RBFOX1: variants seen among roughly 807,000 people sequenced by gnomAD.
RBFOX1 encodes RNA binding protein fox-1 homolog 1.
RBFOX1 carries 8 observed loss-of-function variants against 57.7 expected under a neutral mutation model. That is an observed-to-expected ratio of 0.14 (90% CI 0.08 to 0.25). RBFOX1 has a LOEUF of 0.25. Among genes scored for constraint, RBFOX1 ranks in the 10% least tolerant of loss-of-function variants. RBFOX1 has a pLI of 1.00. For synonymous variants in RBFOX1, 326 were observed against 222.4 expected (o/e 1.47, Z -4.15); for missense variants, 611 against 548.5 (o/e 1.11, Z -1.14).
intron 4 of RBFOX1, among the ~76,000 whole-genome samples, chr16:5,961,192 C>G (rs1596305502): frequency 6.6e-6 from 1 of 152,024 alleles, no homozygotes; most frequent in African/African-American, 2.4e-5. Flanking sequence ...GGGGCATATT[C>G]TATTCTATTT....
At chr16:6,355,521 A>C (rs1215622879) in intron 2 of RBFOX1, among the ~76,000 whole-genome samples, 1 of 152,092 alleles carries the variant, frequency 6.6e-6, no homozygotes, top group African/African-American at 2.4e-5. Context: ...CATTTTCTTC[A>C]TCCAGTCTAT....
chr16:6,807,266 G>A (rs1202846584), intron 3 of RBFOX1, among the ~76,000 whole-genome samples: 2 of 152,046 alleles, frequency 1.3e-5, no homozygotes, highest in Admixed American at 6.6e-5. Context: ...AGGTATTGAG[G>A]GAGATGATGG....
chr16:7,067,630 A>G (rs984952610), intron 4 of RBFOX1, among the ~76,000 whole-genome samples: 74 of 151,060 alleles, frequency 4.9e-4, no homozygotes, highest in African/African-American at 1.6e-3. Flanking sequence ...GGTGTGGTGC[A>G]CCCATTAACT....
intron 3 of RBFOX1, among the ~76,000 whole-genome samples, chr16:6,989,807 C>T (rs191511748): frequency 2.6e-4 from 40 of 152,212 alleles, no homozygotes; most frequent in Admixed American, 2.4e-3. Flanking sequence ...CGAAACTAGC[C>T]TGGCTAACAT....
At chr16:7,524,362 C>A (rs541680070) in intron 5 of RBFOX1, among the ~76,000 whole-genome samples, 1 of 152,268 alleles carries the variant, frequency 6.6e-6, no homozygotes, top group South Asian at 2.1e-4. Context: ...TGAGATGAGT[C>A]CCTGCAGGCC....
intron 3 of RBFOX1, among the ~76,000 whole-genome samples, chr16:5,830,804 A>T (rs2056238815): frequency 6.6e-6 from 1 of 152,084 alleles, no homozygotes; most frequent in Admixed American, 6.5e-5. Flanking sequence ...CGTCTTTTAT[A>T]AATAGCTCAG....
intron 3 of RBFOX1, among the ~76,000 whole-genome samples, chr16:7,045,877 G>A (rs1487787639): frequency 2.0e-5 from 3 of 151,946 alleles, no homozygotes; most frequent in African/African-American, 7.3e-5. Context: ...AGGTTCTTCT[G>A]GAACTCCTGA....
chr16:7,122,637 C>T (rs1258318001), intron 4 of RBFOX1, among the ~76,000 whole-genome samples: 1 of 152,092 alleles, frequency 6.6e-6, no homozygotes, highest in Admixed American at 6.6e-5. Flanking sequence ...TAGAACAATG[C>T]AGACATTCTT....
chr16:6,859,155 A>ATATATATACGTATATATATATG lies in RBFOX1; in HGVS notation c.-15-192883_-15-192882insATGTATATATACGTATATATAT, dbSNP rs2058512610. 3.8e-4 allele frequency among the ~76,000 whole-genome samples: 23 copies of ATATATATACGTATATATATATG among 60,230 alleles called. 1 individual carries two copies. Among genetic ancestry groups the ATATATATACGTATATATATATG allele is most frequent in the African/African-American group, 7.8e-4 (13 of 16,702 alleles). 39.5% of individuals were successfully genotyped at this position (60,230 alleles called of 152,430 possible). A position where few individuals can be genotyped will look rare whatever the true frequency, so the allele number is the denominator to read the frequency against. On this transcript the variant is annotated intron_variant, in intron 3 of 15. Transcript: ENST00000550418. ...CATATATATACGTATATATATATGT[A>ATATATATACGTATATATATATG]TATATATACGTATATATATGTATAT...
intron 3 of RBFOX1, among the ~76,000 whole-genome samples, chr16:6,919,360 C>G (rs972168422): frequency 6.6e-6 from 1 of 152,096 alleles, no homozygotes; most frequent in Non-Finnish European, 1.5e-5. Flanking sequence ...ATTAATTCCT[C>G]ACAACAGCCC....
chr16:7,002,467 C>T lies in RBFOX1; in HGVS notation c.-15-49590C>T, dbSNP rs1446750892. On this transcript the variant is annotated intron_variant, in intron 3 of 15. Transcript: ENST00000550418. ...CGATGGCTCATGTCTGTAATTCCAG[C>T]ACTTGGGAAGCTGAGGCAGGCGGAT... Among the ~76,000 whole-genome samples, 4 of 152,176 alleles carry T rather than the reference C, an allele frequency of 2.6e-5. No individual in the cohort carries two copies. The East Asian group carries it at 7.7e-4, about 29-fold the overall frequency.
intron 3 of RBFOX1, among the ~76,000 whole-genome samples, chr16:5,629,458 G>A (rs1217449659): frequency 1.3e-5 from 2 of 152,180 alleles, no homozygotes; most frequent in Non-Finnish European, 2.9e-5. Flanking sequence ...GGGACCCTGT[G>A]GTCCTCATGG....
chr16:6,763,054 A>C (rs1394021023), intron 3 of RBFOX1, among the ~76,000 whole-genome samples: 2 of 152,208 alleles, frequency 1.3e-5, no homozygotes, highest in Non-Finnish European at 2.9e-5. Context: ...TTTATTATTA[A>C]GGTCCTACAA....
At chr16:6,258,945 A>G (rs1410186851) in intron 1 of RBFOX1, among the ~76,000 whole-genome samples, 1 of 152,260 alleles carries the variant, frequency 6.6e-6, no homozygotes, top group Non-Finnish European at 1.5e-5. Flanking sequence ...AAATGAAGAA[A>G]TGAATCAATG....
intron 2 of RBFOX1, chr16:6,574,040 C>G (rs561957611): frequency 1.3e-5 from 2 of 152,340 alleles, no homozygotes; most frequent in South Asian, 2.1e-4. Context: ...CAATTTTTCT[C>G]TCGCTCTGCC....
intron 2 of RBFOX1, among the ~76,000 whole-genome samples, chr16:5,527,999 C>A (rs718694): frequency 6.6e-6 from 1 of 151,980 alleles, no homozygotes; most frequent in Non-Finnish European, 1.5e-5. Context: ...CTCAGAGCAC[C>A]TAATAGCTCA....
At chr16:6,084,450 C>T (rs923443183) in intron 1 of RBFOX1, among the ~76,000 whole-genome samples, 4 of 152,026 alleles carry the variant, frequency 2.6e-5, no homozygotes, top group African/African-American at 7.2e-5. Context: ...CACCATGTTG[C>T]CCAGGCTGAT....
chr16:7,032,008 T>G (rs1436142969), intron 3 of RBFOX1, among the ~76,000 whole-genome samples: 3 of 152,222 alleles, frequency 2.0e-5, no homozygotes, highest in Non-Finnish European at 4.4e-5. Context: ...CTCCTGGCTT[T>G]GCTCACATCT....
intron 3 of RBFOX1, among the ~76,000 whole-genome samples, chr16:5,750,161 G>A (rs1348621813): frequency 2.0e-5 from 3 of 152,218 alleles, no homozygotes; most frequent in Admixed American, 6.5e-5. Flanking sequence ...GGTATCAGCA[G>A]CAGAGGCTGC....
Sources: allele counts gnomAD v4.1 joint callset (sites outside exome capture counted in the v4.1 genomes callset), GRCh38; gene constraint gnomAD v4.1.1; transcripts MANE v1.5; gene names NCBI Gene and HGNC (gene_info 2026-07-23, HGNC 2026-07-21).